SAMSN1: variants seen among roughly 807,000 people sequenced by gnomAD.
SAMSN1 encodes the protein SAM domain, SH3 domain and nuclear localization signals 1, also known as SAM domain-containing protein SAMSN-1.
Under a neutral mutation model 42.0 loss-of-function variants are expected in SAMSN1, and 31 were observed. The ratio of observed to expected loss-of-function variants is 0.74; its 90% CI spans 0.55 to 1.00. The LOEUF is 1.00. Ranked by LOEUF, SAMSN1 falls within the 50% of genes least tolerant of loss-of-function variation. The probability of loss-of-function intolerance (pLI) is 0.00; values close to 1 mark genes in which losing one functional copy is unlikely to be tolerated. For missense variants in SAMSN1, 464 were observed against 439.4 expected, an observed-to-expected ratio of 1.06 and a Z score of -0.50; for synonymous variants, 178 against 151.9, an observed-to-expected ratio of 1.17 and a Z score of -1.26.
chr21:14,609,530 T>A (rs1568829408), exon 5 of SAMSN1: 1 of 718,096 alleles, frequency 1.4e-6, no homozygotes, highest in South Asian at 1.5e-5. Flanking sequence ...TTATGCTTGC[T>A]GTGTTCCTGC....
chr21:14,582,440 C>T (rs1981769463), exon 2 of SAMSN1: 13 of 1,527,822 alleles, frequency 8.5e-6, no homozygotes, highest in Middle Eastern at 1.7e-4. Flanking sequence ...TTTCTTTTCT[C>T]GGGACTTGGT....
intron 2 of SAMSN1, among the ~76,000 whole-genome samples, chr21:14,629,736 T>C (rs969603513): frequency 6.6e-5 from 10 of 152,186 alleles, no homozygotes; most frequent in Non-Finnish European, 1.3e-4. Flanking sequence ...GCCATTTGTC[T>C]ACTAGTGTGC....
At chr21:14,582,008 C>G (rs1981747691) in intron 2 of SAMSN1, 2 of 845,442 alleles carry the variant, frequency 2.4e-6, no homozygotes, top group South Asian at 2.7e-5. Context: ...TTTGGAAAGA[C>G]AACTCTTGCT....
intron 2 of SAMSN1, among the ~76,000 whole-genome samples, chr21:14,576,642 TA>T (rs1981476137): frequency 3.5e-5 from 5 of 144,092 alleles, no homozygotes; most frequent in Non-Finnish European, 7.4e-5. Context: ...AACAGTTGCG[TA>T]AAGAATTTTT....
chr21:14,530,068 G>A (rs1425741261), intron 1 of SAMSN1, among the ~76,000 whole-genome samples: 1 of 152,202 alleles, frequency 6.6e-6, no homozygotes, highest in East Asian at 1.9e-4. Flanking sequence ...TGCAATCCCA[G>A]CACTTTGGGA....
At chr21:14,626,605 A>G (rs917594881) in intron 2 of SAMSN1, among the ~76,000 whole-genome samples, 1 of 152,230 alleles carries the variant, frequency 6.6e-6, no homozygotes, top group Non-Finnish European at 1.5e-5. Flanking sequence ...TAGAATGGTG[A>G]TCATTAAAAA....
chr21:14,658,185 A>T (rs1273695294), intron 1 of SAMSN1, among the ~76,000 whole-genome samples: 2 of 151,890 alleles, frequency 1.3e-5, no homozygotes, highest in African/African-American at 2.4e-5. Flanking sequence ...TAAGGAAAAA[A>T]AAGTAATAAT....
chr21:14,630,697 TGTTATGA>T (rs1288425720), intron 2 of SAMSN1, among the ~76,000 whole-genome samples: 1 of 152,148 alleles, frequency 6.6e-6, no homozygotes. Flanking sequence ...CATATTGGCT[TGTTATGA>T]GTCATTACAC....
rs1568816302 is a variant in SAMSN1, at chr21:14,577,286, T to TATATATA, written c.261+4849_261+4850insTATATAT. Among the ~76,000 whole-genome samples the TATATATA allele has an allele frequency of 1.9e-4, 14 of 72,956 alleles. 1 individual carries two copies. The highest frequency in any genetic ancestry group is 3.7e-4 in the Non-Finnish European group (13 of 34,860). The allele number at this position is 72,956 out of a possible 152,430, so 47.9% of individuals were successfully genotyped here. A position where few individuals can be genotyped will look rare whatever the true frequency, so the allele number is the denominator to read the frequency against. ...TATATATATATATATATATATATATTTTTTTTTTAGAAGAGACAGGGTTTT... is the reference window on the plus strand; with the variant it reads ...TATATATATATATATATATATATATTATATATATTTTTTTTAGAAGAGACAGGGTTTT... On this transcript the variant is annotated intron_variant, in intron 2 of 8. Transcript: ENST00000285670.
intron 2 of SAMSN1, among the ~76,000 whole-genome samples, chr21:14,619,427 A>G (rs1982942059): frequency 6.6e-6 from 1 of 152,228 alleles, no homozygotes; most frequent in Non-Finnish European, 1.5e-5. Context: ...CTTGAAAATG[A>G]AAAAATTGAG....
At chr21:14,513,702 A>C (rs1348060162) in intron 3 of SAMSN1, among the ~76,000 whole-genome samples, 1 of 152,238 alleles carries the variant, frequency 6.6e-6, no homozygotes, top group African/African-American at 2.4e-5. Flanking sequence ...TCTGCCATAC[A>C]GTAATATATG....
intron 2 of SAMSN1, among the ~76,000 whole-genome samples, chr21:14,570,968 C>T (rs755832759): frequency 4.6e-5 from 7 of 152,146 alleles, no homozygotes; most frequent in East Asian, 3.9e-4. Context: ...CCCACATCTC[C>T]GTGTTTTCTC....
At chr21:14,594,682 A>G (rs1167694908) in intron 6 of SAMSN1, 1 of 152,156 alleles carries the variant, frequency 6.6e-6, no homozygotes, top group African/African-American at 2.4e-5. Context: ...ATATCAAACA[A>G]TTTCTACCTA....
In SAMSN1 at chr21:14,618,678, GTGTGTGTGTGTGTGCGCGCGCGCGCA is replaced by G. The variant is rs1178301142; in HGVS notation, c.157-2688_157-2663del. Reference sequence around the variant, plus strand: ...TGTATGTGTGTGTGTGTGTGTGTGTGTGTGTGTGTGTGTGCGCGCGCGCGCACGCGCGTGTGTGTGTGTGTGTGTTC... The same window carrying G: ...TGTATGTGTGTGTGTGTGTGTGTGTGCGCGCGTGTGTGTGTGTGTGTGTTC... On this transcript the variant is annotated intron_variant, in intron 2 of 15. Coordinates refer to the SAMSN1 transcript ENST00000647101. 4.2e-4 allele frequency among the ~76,000 whole-genome samples: 40 copies of G among 94,848 alleles called. No individual in the cohort carries two copies. The South Asian group carries it at 0.011, about 25-fold the overall frequency. 62.2% of individuals were successfully genotyped at this position (94,848 alleles called of 152,430 possible). A position where few individuals can be genotyped will look rare whatever the true frequency, so the allele number is the denominator to read the frequency against.
chr21:14,515,975 A>G (rs145752405), intron 3 of SAMSN1, among the ~76,000 whole-genome samples: 37 of 152,344 alleles, frequency 2.4e-4, no homozygotes, highest in Admixed American at 3.9e-4. Flanking sequence ...CCTCACATCC[A>G]CTAGGATGGC....
intron 2 of SAMSN1, among the ~76,000 whole-genome samples, chr21:14,578,835 G>A (rs9977981): frequency 0.025 from 3,842 of 151,888 alleles, 159 homozygotes; most frequent in African/African-American, 0.085. Context: ...ATCTTGGCAC[G>A]TATATTTTTA....
intron 2 of SAMSN1, among the ~76,000 whole-genome samples, chr21:14,623,243 T>A (rs1568834641): frequency 2.0e-5 from 3 of 152,220 alleles, no homozygotes; most frequent in Non-Finnish European, 4.4e-5. Context: ...AACATCATAA[T>A]GGCAGGATCA....
intron 2 of SAMSN1, chr21:14,642,981 T>TC (rs1568841378): frequency 2.8e-6 from 2 of 715,614 alleles, no homozygotes; most frequent in African/African-American, 3.5e-5. Flanking sequence ...AAAAATCCAC[T>TC]CCAGTCAATG....
At chr21:14,614,458 A>C (rs1040663055) in intron 3 of SAMSN1, among the ~76,000 whole-genome samples, 26 of 152,194 alleles carry the variant, frequency 1.7e-4, no homozygotes, top group Admixed American at 5.9e-4. Context: ...CTTGACTGCT[A>C]ATCAATTCAT....
Sources: gnomAD v4.1 joint callset for allele counts (sites outside exome capture counted in the v4.1 genomes callset) on GRCh38, gnomAD v4.1.1 for gene constraint, MANE v1.5 for transcripts, NCBI Gene and HGNC (gene_info 2026-07-23, HGNC 2026-07-21) for gene names.